The following GDNF variants were observed in gnomAD, a reference collection of about 807,000 sequenced individuals.
The protein encoded by GDNF is glial cell derived neurotrophic factor.
Under a neutral mutation model 13.7 loss-of-function variants are expected in GDNF, and 5 were observed. The observed-to-expected ratio is 0.36, with a 90% CI of 0.19 to 0.77. The LOEUF (loss-of-function observed/expected upper bound fraction) is 0.77, where lower values mean the gene tolerates loss of function less well. Ranked by LOEUF, GDNF falls within the 30% of genes least tolerant of loss-of-function variation. The pLI, the probability that GDNF is intolerant of heterozygous loss-of-function variation, is 0.51. For synonymous variants in GDNF, 122 were observed against 112.5 expected (o/e 1.08, Z -0.53); for missense variants, 246 against 274.3 (o/e 0.90, Z 0.73).
intron 2 of GDNF, among the ~76,000 whole-genome samples, chr5:37,829,323 G>A (rs913872558): frequency 6.6e-6 from 1 of 151,976 alleles, no homozygotes; most frequent in African/African-American, 2.4e-5. Context: ...CCTCTTCCCT[G>A]AAGTCGTCCC....
Position 37,816,240 on chromosome 5 carries a change from A to G in GDNF, c.152-105T>C, listed in dbSNP as rs1014686847. ...TAAAGTCAGCAAAAATTGGACCCAC[A>G]GCAAAACTATCAGCCGATTAAGCTA... On this transcript the variant is annotated intron_variant, in intron 2 of 2. Transcript: ENST00000326524. 5.2e-5 allele frequency: 58 copies of G among 1,107,032 alleles called. No individual in the cohort carries two copies. In the African/African-American group the frequency reaches 7.1e-4, roughly 14 times the overall value. The allele number at this position is 1,107,032 out of a possible 1,614,324, so 68.6% of individuals were successfully genotyped here.
intron 2 of GDNF, among the ~76,000 whole-genome samples, chr5:37,834,207 G>A (rs543859306): frequency 3.9e-5 from 6 of 152,232 alleles, no homozygotes; most frequent in Non-Finnish European, 7.3e-5. Context: ...CCTTGCAGGC[G>A]CAGTTTAGGA....
chr5:37,820,910 G>T (rs1160762811), intron 2 of GDNF, among the ~76,000 whole-genome samples: 2 of 151,902 alleles, frequency 1.3e-5, no homozygotes, highest in East Asian at 1.9e-4. Context: ...TAAGCTGAAG[G>T]CTTTTTTTTC....
chr5:37,831,243 G>T (rs141004753), intron 2 of GDNF, among the ~76,000 whole-genome samples: 1 of 152,144 alleles, frequency 6.6e-6, no homozygotes, highest in South Asian at 2.1e-4. Context: ...GTTCTTTCAC[G>T]TTGATTTTTT....
At chr5:37,828,071 G>A (rs1750390563) in intron 2 of GDNF, among the ~76,000 whole-genome samples, 1 of 152,172 alleles carries the variant, frequency 6.6e-6, no homozygotes, top group Non-Finnish European at 1.5e-5. Flanking sequence ...TTGTTTCCCA[G>A]TGGTGACCCA....
rs200932153 is a variant in GDNF, at chr5:37,813,002, TG to T, written c.*2648del. 123 of 151,930 alleles carry T rather than the reference TG, an allele frequency of 8.1e-4. 2 individuals are homozygous for T. The highest frequency in any genetic ancestry group is 4.2e-4 in the South Asian group (2 of 4,786). 9.4% of individuals were successfully genotyped at this position (151,930 alleles called of 1,614,324 possible). On this transcript the variant is annotated 3_prime_UTR_variant, in exon 3 of 3. Transcript: ENST00000326524. The stretch of plus-strand genomic sequence containing the variant: ...GCAGGGACTCTCCATGGGGAGTTGT[TG>T]GGGGGGGTCACTGAGGTTGAAGCCT...
chr5:37,833,241 G>A (rs1561135513), intron 2 of GDNF, among the ~76,000 whole-genome samples: 1 of 152,188 alleles, frequency 6.6e-6, no homozygotes, highest in Non-Finnish European at 1.5e-5. Context: ...CCGTTTGAGT[G>A]AATGAATAGC....
chr5:37,814,643 A>G lies in GDNF; in HGVS notation c.*1008T>C, dbSNP rs1397746435. 1 of 152,240 alleles carries G rather than the reference A, an allele frequency of 6.6e-6. No individual in the cohort carries two copies. Among genetic ancestry groups the G allele is most frequent in the Non-Finnish European group, 1.5e-5 (1 of 68,040 alleles). 9.4% of individuals were successfully genotyped at this position (152,240 alleles called of 1,614,324 possible). On this transcript the variant is annotated 3_prime_UTR_variant, in exon 3 of 3. Transcript: ENST00000326524. ...GAAAAGAAACTTTAATAAATAAGGGAAAAAAGAGAAATTCATTAGTGAACG... is the reference window on the plus strand; with the variant it reads ...GAAAAGAAACTTTAATAAATAAGGGGAAAAAGAGAAATTCATTAGTGAACG...
intron 2 of GDNF, among the ~76,000 whole-genome samples, chr5:37,818,581 T>C (rs929627959): frequency 1.3e-5 from 2 of 152,130 alleles, no homozygotes; most frequent in African/African-American, 4.8e-5. Flanking sequence ...ACAAGGCCCA[T>C]AGCATCCCCC....
intron 1 of GDNF, among the ~76,000 whole-genome samples, chr5:37,836,017 C>T (rs1750689582): frequency 6.6e-6 from 1 of 152,040 alleles, no homozygotes; most frequent in South Asian, 2.1e-4. Context: ...AATGAGGAGA[C>T]GGGGAAGAAC....
At position 37,824,936 on chromosome 5, in the gene GDNF, G is replaced by A. The variant is rs188048777; in HGVS notation, c.152-8801C>T. ...ATCGATTTATTTGAAAAGTATTTGC[G>A]TTGTAAAAACACCACTGTTTTGTTG... On this transcript the variant is annotated intron_variant, in intron 2 of 2. Transcript: ENST00000326524. Among the ~76,000 whole-genome samples, 17 of 152,240 alleles carry A rather than the reference G, an allele frequency of 1.1e-4. No individual in the cohort carries two copies. In the East Asian group the frequency reaches 2.7e-3, roughly 24 times the overall value.
rs1448584584 is a variant in GDNF, at chr5:37,838,171, C to T, written c.-27+1336G>A. 6.6e-6 allele frequency among the ~76,000 whole-genome samples: 1 copy of T among 152,160 alleles called. No individual in the cohort carries two copies. Among genetic ancestry groups the T allele is most frequent in the Non-Finnish European group, 1.5e-5 (1 of 68,022 alleles). ...GAAAAAGAATTTGGGACACTTCTCGCAGGCAAACTGGGAAAGCGGTCTGTT... is the reference window on the plus strand; with the variant it reads ...GAAAAAGAATTTGGGACACTTCTCGTAGGCAAACTGGGAAAGCGGTCTGTT... On this transcript the variant is annotated intron_variant, in intron 1 of 2. Transcript: ENST00000326524. The surrounding 1 kb of genome is among the most constrained non-coding windows in gnomAD (Gnocchi z 4.1).
At position 37,813,332 on chromosome 5, in the gene GDNF, G is replaced by A. The variant is rs1749793458; in HGVS notation, c.*2319C>T. ...TTGTTACTATGATTATTTGATGGAGGCCAGTATTTCATTTAATTGCTAAAT... is the reference window on the plus strand; with the variant it reads ...TTGTTACTATGATTATTTGATGGAGACCAGTATTTCATTTAATTGCTAAAT... On this transcript the variant is annotated 3_prime_UTR_variant, in exon 3 of 3. Coordinates refer to ENST00000326524, the MANE Select transcript of GDNF (RefSeq NM_000514.4). The A allele has an allele frequency of 6.6e-6, 1 of 152,114 alleles. No individual in the cohort carries two copies. The highest frequency in any genetic ancestry group is 2.1e-4 in the South Asian group (1 of 4,820). 9.4% of individuals were successfully genotyped at this position (152,114 alleles called of 1,614,324 possible).
intron 2 of GDNF, among the ~76,000 whole-genome samples, chr5:37,829,929 A>C (rs1159249239): frequency 6.6e-6 from 1 of 151,748 alleles, no homozygotes; most frequent in Admixed American, 6.5e-5. Context: ...TCTTGATTCC[A>C]AGAGACCCAT....
In GDNF at chr5:37,837,922, C is replaced by T. The variant is rs1750765066; in HGVS notation, c.-27+1585G>A. Reference sequence around the variant, plus strand: ...GGCTGGGAGGTTTGTTTGGGCTTTGCCTTCAAGATCCAGGTCTCAGAGAGA... The same window carrying T: ...GGCTGGGAGGTTTGTTTGGGCTTTGTCTTCAAGATCCAGGTCTCAGAGAGA... On this transcript the variant is annotated intron_variant, in intron 1 of 2. Coordinates refer to ENST00000326524, the MANE Select transcript of GDNF (RefSeq NM_000514.4). This position sits in a 1 kb window ranked among gnomAD's most constrained non-coding sequence, Gnocchi z 6.5. 6.6e-6 allele frequency among the ~76,000 whole-genome samples: 1 copy of T among 151,954 alleles called. No homozygotes were observed. The highest frequency in any genetic ancestry group is 2.4e-5 in the African/African-American group (1 of 41,346).
At chr5:37,835,562 A>C (rs999823948) in intron 1 of GDNF, 5 of 1,490,920 alleles carry the variant, frequency 3.4e-6, no homozygotes, top group Non-Finnish European at 4.6e-6. Flanking sequence ...CCACCTCTTA[A>C]AGTTATGAAC....
At chr5:37,835,535 G>A (rs996992802) in intron 1 of GDNF, 1 of 1,479,812 alleles carries the variant, frequency 6.8e-7, no homozygotes, top group Non-Finnish European at 9.2e-7. Context: ...GCACTGATTC[G>A]ATTTAAAATA....
intron 2 of GDNF, among the ~76,000 whole-genome samples, chr5:37,821,648 G>T (rs1213611642): frequency 2.6e-5 from 4 of 152,120 alleles, no homozygotes; most frequent in Non-Finnish European, 5.9e-5. Flanking sequence ...TATAAATAGT[G>T]TTACTTAAAG....
intron 1 of GDNF, chr5:37,835,745 A>C: frequency 3.5e-6 from 4 of 1,131,126 alleles, no homozygotes; most frequent in South Asian, 1.3e-5. Flanking sequence ...TCTGGCCCTA[A>C]TCCCTTCCCC....
Sources: gnomAD v4.1 joint callset for allele counts (sites outside exome capture counted in the v4.1 genomes callset) on GRCh38, gnomAD v4.1.1 for gene constraint, Gnocchi (gnomAD v3.1) non-coding constraint, MANE v1.5 for transcripts, NCBI Gene and HGNC (gene_info 2026-07-23, HGNC 2026-07-21) for gene names.